ARMC2: variants seen among roughly 807,000 people sequenced by gnomAD.
ARMC2 encodes the protein armadillo repeat-containing protein 2.
A neutral mutation model predicts 90.3 loss-of-function variants in ARMC2; 67 were observed. That is an observed-to-expected ratio of 0.74 (90% CI 0.61 to 0.91). The LOEUF is 0.91. Ranked by LOEUF, ARMC2 falls within the 40% of genes least tolerant of loss-of-function variation. The pLI is 0.00. For missense variants in ARMC2, 920 were observed against 1,030.9 expected, an observed-to-expected ratio of 0.89 and a Z score of 1.47; for synonymous variants, 393 against 393.0, an observed-to-expected ratio of 1.00 and a Z score of 0.00.
At chr6:108,860,882 C>G (rs909199188) in intron 3 of ARMC2, among the ~76,000 whole-genome samples, 1 of 152,114 alleles carries the variant, frequency 6.6e-6, no homozygotes, top group African/African-American at 2.4e-5. Context: ...TGGTTGCTAG[C>G]TTCCAGGTGC....
chr6:109,051,609 TTC>T, the ARMC2 span, among the ~76,000 whole-genome samples: 3 of 152,352 alleles, frequency 2.0e-5, no homozygotes, highest in Admixed American at 2.0e-4. Flanking sequence ...GTCACTGGTT[TTC>T]TTTTTTTCTG....
chr6:109,009,548 C>A, the ARMC2 span: 1 of 1,003,254 alleles, frequency 1.0e-6, no homozygotes, highest in Non-Finnish European at 1.1e-6. Context: ...TCAGTCAGCA[C>A]GGACGGCGGG....
intron 13 of ARMC2, among the ~76,000 whole-genome samples, chr6:108,957,241 C>T (rs528806677): frequency 6.6e-6 from 1 of 152,334 alleles, no homozygotes; most frequent in East Asian, 1.9e-4. Context: ...GCAAAAGTCA[C>T]CCCTGACAGG....
intron 5 of ARMC2, among the ~76,000 whole-genome samples, chr6:108,887,695 A>G (rs1215340109): frequency 6.6e-6 from 1 of 152,240 alleles, no homozygotes; most frequent in Non-Finnish European, 1.5e-5. Flanking sequence ...TAAAGAACAA[A>G]ACAGTGCCAA....
chr6:108,931,631 T>C (rs1157148018), intron 11 of ARMC2, among the ~76,000 whole-genome samples: 1 of 151,996 alleles, frequency 6.6e-6, no homozygotes, highest in Non-Finnish European at 1.5e-5. Context: ...TGGTGTGAGA[T>C]GGTATCTCAT....
chr6:108,913,660 A>G (rs557169695), intron 10 of ARMC2, among the ~76,000 whole-genome samples: 3 of 152,182 alleles, frequency 2.0e-5, no homozygotes, highest in Non-Finnish European at 4.4e-5. Context: ...CTGAGATAAC[A>G]CCTCCAGCAT....
chr6:108,971,889 C>A (rs1412937571), intron 17 of ARMC2, among the ~76,000 whole-genome samples: 2 of 150,892 alleles, frequency 1.3e-5, no homozygotes, highest in African/African-American at 4.9e-5. Context: ...CCACTGCACT[C>A]CAGCCTGGGT....
At chr6:109,034,695 G>C in the ARMC2 span, among the ~76,000 whole-genome samples, 1 of 152,200 alleles carries the variant, frequency 6.6e-6, no homozygotes, top group African/African-American at 2.4e-5. Flanking sequence ...TGTGCATAGT[G>C]AATGTCACTA....
rs780632184 is a variant in ARMC2, at chr6:108,953,047, T to C, written c.1611T>C (p.Arg537=). 6.2e-7 allele frequency: 1 copy of C among 1,610,584 alleles called. No homozygotes were observed. Among genetic ancestry groups the C allele is most frequent in the Non-Finnish European group, 8.5e-7 (1 of 1,178,224 alleles). The change falls in exon 13 of 18, where the codon CGT becomes CGC. Residue 537 remains arginine, a synonymous_variant. Coordinates refer to ENST00000392644, the MANE Select transcript of ARMC2 (RefSeq NM_032131.6). The part of the protein sequence containing the change: ...KYQKKQDLVV[R]VVFILGNLTA... ...GTTTATTGCAGGATTTAGTCGTCCGTGTTGTTTTTATTCTTGGCAACCTGA... is the reference window on the plus strand; with the variant it reads ...GTTTATTGCAGGATTTAGTCGTCCGCGTTGTTTTTATTCTTGGCAACCTGA...
the ARMC2 span, among the ~76,000 whole-genome samples, chr6:109,032,759 C>T: frequency 5.3e-5 from 8 of 151,990 alleles, no homozygotes; most frequent in Non-Finnish European, 1.2e-4. Context: ...TTTTGTCTAC[C>T]CAAGCCCCTT....
intron 16 of ARMC2, 26 bp downstream of exon 16, chr6:108,964,338 ACTCT>A (rs1433692118): frequency 1.1e-5 from 17 of 1,605,398 alleles, no homozygotes; most frequent in East Asian, 2.2e-5. Flanking sequence ...TAGAGTACTG[ACTCT>A]CTCAGGATTT....
intron 10 of ARMC2, among the ~76,000 whole-genome samples, chr6:108,914,566 G>A (rs1471767175): frequency 6.6e-6 from 1 of 152,102 alleles, no homozygotes; most frequent in Non-Finnish European, 1.5e-5. Flanking sequence ...AGAAAATGGA[G>A]CCCATGATGG....
chr6:108,994,698 CTTTTTTTTTT>C, the ARMC2 span: 12 of 293,048 alleles, frequency 4.1e-5, no homozygotes, highest in South Asian at 1.1e-4. Context: ...GAATTTATAT[CTTTTTTTTTT>C]TTTTTTTTTT....
At chr6:108,877,164 T>A (rs1777019393) in intron 5 of ARMC2, among the ~76,000 whole-genome samples, 1 of 152,242 alleles carries the variant, frequency 6.6e-6, no homozygotes, top group African/African-American at 2.4e-5. Flanking sequence ...GACTTTCCAT[T>A]GGGTCATCAT....
the ARMC2 span, among the ~76,000 whole-genome samples, chr6:109,023,082 T>C: frequency 2.6e-5 from 4 of 152,148 alleles, no homozygotes; most frequent in South Asian, 2.1e-4. Flanking sequence ...ACAGTATCCC[T>C]CTCCAGCAAA....
rs58496422 is a variant in ARMC2 at position 108,861,020 on chromosome 6, A to G, written c.291+2749A>G. Among the ~76,000 whole-genome samples the G allele has an allele frequency of 6.0e-3, 919 of 152,278 alleles. 11 individuals are homozygous for G. Among genetic ancestry groups the G allele is most frequent in the African/African-American group, 0.021 (880 of 41,568 alleles). Reference sequence around the variant, plus strand: ...ATAGTACCCTTACTTATTGACCTCAATTAAGGAAGACCCTCTGTTTTACCT... The same window carrying G: ...ATAGTACCCTTACTTATTGACCTCAGTTAAGGAAGACCCTCTGTTTTACCT... On this transcript the variant is annotated intron_variant, in intron 3 of 17. Transcript: ENST00000392644.
chr6:109,042,012 A>T, the ARMC2 span, among the ~76,000 whole-genome samples: 2 of 152,162 alleles, frequency 1.3e-5, no homozygotes, highest in Non-Finnish European at 2.9e-5. Flanking sequence ...CTCTGATCAT[A>T]ACGAAATCAC....
Position 108,892,259 on chromosome 6 carries a change from T to C in ARMC2, c.672-2208T>C, listed in dbSNP as rs75263308. Among the ~76,000 whole-genome samples, 639 of 152,342 alleles carry C rather than the reference T, an allele frequency of 4.2e-3. 3 individuals carry two copies. Among genetic ancestry groups the C allele is most frequent in the African/African-American group, 0.014 (599 of 41,582 alleles). ...TGACAAACTTGGTATTTTACCTTTT[T>C]GCAAGGTTGATTCTTTTATTTCTGC... On this transcript the variant is annotated intron_variant, in intron 5 of 17. Transcript: ENST00000392644.
At chr6:109,006,507 A>C in the ARMC2 span, among the ~76,000 whole-genome samples, 1 of 148,720 alleles carries the variant, frequency 6.7e-6, no homozygotes, top group Non-Finnish European at 1.5e-5. Context: ...GTCCAAGGAA[A>C]GCCCTGAGAT....
Sources: allele counts gnomAD v4.1 joint callset (sites outside exome capture counted in the v4.1 genomes callset), GRCh38; gene constraint gnomAD v4.1.1; transcripts MANE v1.5; gene names NCBI Gene and HGNC (gene_info 2026-07-23, HGNC 2026-07-21).